The following SCGN variants were observed in gnomAD, a reference collection of about 807,000 sequenced individuals.
The protein encoded by SCGN is secretagogin.
SCGN carries 30 observed loss-of-function variants against 39.7 expected under a neutral mutation model. That is an observed-to-expected ratio of 0.76 (90% CI 0.57 to 1.03). The LOEUF (loss-of-function observed/expected upper bound fraction) is 1.03. Ranked by LOEUF, SCGN falls within the 50% of genes least tolerant of loss-of-function variation. The probability of loss-of-function intolerance (pLI) is 0.00; values close to 1 mark genes in which losing one functional copy is unlikely to be tolerated. For synonymous variants in SCGN, 106 were observed against 114.1 expected (o/e 0.93, Z 0.45); for missense variants, 353 against 349.4 (o/e 1.01, Z -0.08).
chr6:25,689,177 T>A lies in SCGN; in HGVS notation c.533T>A (p.Leu178Gln). The change falls in exon 8 of 11, where the codon CTG becomes CAG. Residue 178 changes from leucine to glutamine, a missense_variant. Transcript: ENST00000377961. ...TTTTTTTTTTTTCTATTTAGGATTC[T>A]GGCTCTTCAGGAAAACTTCCTTCTC... ...RLDLNDLARI[L>Q]ALQENFLLQF... 1 of 1,590,106 alleles carries A rather than the reference T, an allele frequency of 6.3e-7. No individual in the cohort carries two copies. Among genetic ancestry groups the A allele is most frequent in the Non-Finnish European group, 8.6e-7 (1 of 1,164,976 alleles).
At chr6:25,677,001 C>T (rs1759571803) in intron 6 of SCGN, among the ~76,000 whole-genome samples, 1 of 152,132 alleles carries the variant, frequency 6.6e-6, no homozygotes, top group African/African-American at 2.4e-5. Context: ...TGGTCCCATT[C>T]TCTCTCCCTG....
In SCGN at chr6:25,663,485, G is replaced by C. The variant is rs149226531; in HGVS notation, c.247-1458G>C. ...TTTGTTGACTAATTGATATGTATGA[G>C]GTATGTTCCTAAACAATTTATAAAT... is the stretch of plus-strand genomic sequence containing the variant. On this transcript the variant is annotated intron_variant, in intron 3 of 10. Coordinates refer to ENST00000377961, the MANE Select transcript of SCGN (RefSeq NM_006998.4). Among the ~76,000 whole-genome samples, 1,369 of 152,140 alleles carry C rather than the reference G, an allele frequency of 9.0e-3. 18 individuals carry two copies. Among genetic ancestry groups the C allele is most frequent in the African/African-American group, 0.03 (1,237 of 41,500 alleles).
intron 10 of SCGN, 131 bp from the exon 11 acceptor site, chr6:25,701,076 C>T: frequency 3.2e-6 from 3 of 933,316 alleles, no homozygotes; most frequent in Non-Finnish European, 4.6e-6. Context: ...GCGATAGACT[C>T]ATTCCCTCAC....
chr6:25,661,281 A>G (rs979088825), intron 2 of SCGN, among the ~76,000 whole-genome samples: 2 of 152,206 alleles, frequency 1.3e-5, no homozygotes, highest in African/African-American at 4.8e-5. Flanking sequence ...TCAGCACCCT[A>G]GTCTCTAAGC....
At chr6:25,671,568 T>C (rs888479950) in intron 6 of SCGN, among the ~76,000 whole-genome samples, 1 of 152,232 alleles carries the variant, frequency 6.6e-6, no homozygotes, top group Middle Eastern at 3.2e-3. Context: ...TTCAGCTTCT[T>C]ACGGTGTTGA....
intron 6 of SCGN, among the ~76,000 whole-genome samples, chr6:25,675,639 A>G (rs1302209029): frequency 6.6e-6 from 1 of 152,228 alleles, no homozygotes. Context: ...TGGCAGACAA[A>G]GAGGATGATA....
At chr6:25,690,361 G>A (rs758431520) in intron 9 of SCGN, among the ~76,000 whole-genome samples, 1 of 152,164 alleles carries the variant, frequency 6.6e-6, no homozygotes, top group South Asian at 2.1e-4. Flanking sequence ...AAGCTTTTAT[G>A]AGAGTGCCTG....
intron 2 of SCGN, among the ~76,000 whole-genome samples, chr6:25,658,601 C>T (rs184423344): frequency 1.3e-5 from 2 of 152,256 alleles, no homozygotes; most frequent in Non-Finnish European, 2.9e-5. Context: ...AATAGCTATA[C>T]ATATAGATGC....
intron 1 of SCGN, among the ~76,000 whole-genome samples, chr6:25,653,149 T>C (rs1760163142): frequency 6.6e-6 from 1 of 152,212 alleles, no homozygotes. Flanking sequence ...CTTAATAGCC[T>C]TCCTTTTCCA....
intron 6 of SCGN, among the ~76,000 whole-genome samples, chr6:25,674,457 T>C (rs1434508379): frequency 6.6e-6 from 1 of 152,216 alleles, no homozygotes; most frequent in African/African-American, 2.4e-5. Flanking sequence ...TTCTAGGAAC[T>C]TAACTTTTTA....
At chr6:25,655,944 A>G (rs1760219625) in intron 2 of SCGN, among the ~76,000 whole-genome samples, 1 of 152,108 alleles carries the variant, frequency 6.6e-6, no homozygotes, top group African/African-American at 2.4e-5. Context: ...CTTAACTAGA[A>G]ATGATATCAT....
At chr6:25,692,503 C>T (rs1759785588) in intron 10 of SCGN, among the ~76,000 whole-genome samples, 1 of 152,236 alleles carries the variant, frequency 6.6e-6, no homozygotes, top group Non-Finnish European at 1.5e-5. Flanking sequence ...ATGTCCCACA[C>T]ATACAGCCCA....
intron 7 of SCGN, among the ~76,000 whole-genome samples, chr6:25,682,435 A>T (rs935506464): frequency 2.0e-5 from 3 of 152,158 alleles, no homozygotes; most frequent in African/African-American, 7.2e-5. Context: ...ATCCTCAGGG[A>T]GGCACCAAGT....
At chr6:25,676,351 C>T (rs1016261150) in intron 6 of SCGN, among the ~76,000 whole-genome samples, 1 of 152,194 alleles carries the variant, frequency 6.6e-6, no homozygotes, top group Admixed American at 6.5e-5. Flanking sequence ...ATGGCTCTGT[C>T]TCTGAGAAAA....
intron 10 of SCGN, among the ~76,000 whole-genome samples, chr6:25,692,890 A>AT (rs971922756): frequency 4.6e-5 from 7 of 151,570 alleles, no homozygotes; most frequent in East Asian, 1.9e-4. Context: ...ACTGATTGGA[A>AT]TTTTTTTTTG....
chr6:25,658,226 A>G (rs1046503054), intron 2 of SCGN, among the ~76,000 whole-genome samples: 1 of 150,622 alleles, frequency 6.6e-6, no homozygotes, highest in Non-Finnish European at 1.5e-5. Context: ...TTTTTAATGG[A>G]GACGGGGTTT....
At chr6:25,658,225 G>A (rs1227175793) in intron 2 of SCGN, among the ~76,000 whole-genome samples, 2 of 151,192 alleles carry the variant, frequency 1.3e-5, no homozygotes, top group Non-Finnish European at 2.9e-5. Flanking sequence ...ATTTTTAATG[G>A]AGACGGGGTT....
intron 2 of SCGN, among the ~76,000 whole-genome samples, chr6:25,654,680 CCT>C (rs199836552): frequency 0.024 from 3,728 of 152,170 alleles, 50 homozygotes; most frequent in Non-Finnish European, 0.037. Context: ...TTTTATTTCT[CCT>C]TTCTTCTTTC....
chr6:25,686,386 T>C (rs903261307), intron 7 of SCGN, among the ~76,000 whole-genome samples: 4 of 152,212 alleles, frequency 2.6e-5, no homozygotes, highest in Non-Finnish European at 5.9e-5. Context: ...CTTGTTATTG[T>C]TTGCATCTTT....
Sources: allele counts gnomAD v4.1 joint callset (sites outside exome capture counted in the v4.1 genomes callset), GRCh38; gene constraint gnomAD v4.1.1; transcripts MANE v1.5; gene names NCBI Gene and HGNC (gene_info 2026-07-23, HGNC 2026-07-21).